Variants in PDLIM5 observed in about 807,000 individuals in gnomAD.
The protein encoded by PDLIM5 is PDZ and LIM domain protein 5.
PDLIM5 carries 34 observed loss-of-function variants against 64.2 expected under a neutral mutation model. That is an observed-to-expected ratio of 0.53 (90% CI 0.40 to 0.71). The LOEUF is 0.71. PDLIM5 is among the 30% of genes least tolerant of loss of function. PDLIM5 has a pLI of 0.00. For synonymous variants in PDLIM5, 253 were observed against 269.1 expected, an observed-to-expected ratio of 0.94 and a Z score of 0.59; for missense variants, 683 against 733.6, an observed-to-expected ratio of 0.93 and a Z score of 0.80.
At chr4:94,536,786 C>T (rs956612092) in intron 3 of PDLIM5, among the ~76,000 whole-genome samples, 1 of 152,138 alleles carries the variant, frequency 6.6e-6, no homozygotes, top group African/African-American at 2.4e-5. Context: ...TTGTCCATAG[C>T]TCAAGGAATT....
At chr4:94,565,624 C>T (rs1420338576) in intron 3 of PDLIM5, among the ~76,000 whole-genome samples, 2 of 152,134 alleles carry the variant, frequency 1.3e-5, no homozygotes, top group African/African-American at 4.8e-5. Context: ...ATAGAACACC[C>T]AATTTAGCAC....
intron 7 of PDLIM5, chr4:94,611,090 T>C (rs991716145): frequency 2.0e-5 from 31 of 1,534,724 alleles, no homozygotes; most frequent in Admixed American, 5.9e-5. Flanking sequence ...CTGAAAGATA[T>C]CACTCACTCC....
chr4:94,565,309 G>A (rs1734222019), intron 3 of PDLIM5, among the ~76,000 whole-genome samples: 1 of 152,184 alleles, frequency 6.6e-6, no homozygotes, highest in Admixed American at 6.5e-5. Flanking sequence ...GATAAAAAAT[G>A]TATTATTCAG....
intron 2 of PDLIM5, among the ~76,000 whole-genome samples, chr4:94,501,091 T>C (rs1486629761): frequency 8.6e-5 from 13 of 151,226 alleles, no homozygotes; most frequent in Non-Finnish European, 5.9e-5. Context: ...CTTTTTTTTT[T>C]TTTTTCTCAG....
chr4:94,515,147 A>T (rs534429356), intron 2 of PDLIM5, among the ~76,000 whole-genome samples: 2 of 152,276 alleles, frequency 1.3e-5, no homozygotes, highest in African/African-American at 4.8e-5. Context: ...TAGAAATATA[A>T]GATACAGTTA....
At chr4:94,586,966 T>G (rs753416777) in intron 7 of PDLIM5, 1 of 1,515,664 alleles carries the variant, frequency 6.6e-7, no homozygotes, top group South Asian at 1.3e-5. Context: ...TCTTTTTTTT[T>G]TTTTTTTTTT....
chr4:94,600,856 A>G (rs1211643897), intron 7 of PDLIM5, among the ~76,000 whole-genome samples: 1 of 152,240 alleles, frequency 6.6e-6, no homozygotes, highest in Non-Finnish European at 1.5e-5. Context: ...AAAAATGCTC[A>G]TTCTTTACCT....
intron 5 of PDLIM5, among the ~76,000 whole-genome samples, chr4:94,580,054 T>G (rs4699300): frequency 5.9e-5 from 9 of 152,244 alleles, no homozygotes; most frequent in Admixed American, 3.3e-4. Flanking sequence ...CTTTGAAATT[T>G]GTTAAGAGAG....
At chr4:94,490,925 A>G (rs1296044777) in intron 2 of PDLIM5, among the ~76,000 whole-genome samples, 1 of 152,128 alleles carries the variant, frequency 6.6e-6, no homozygotes, top group Non-Finnish European at 1.5e-5. Context: ...TGCTATGTGA[A>G]TGTGAATTTT....
rs182770493 is a variant in PDLIM5, at chr4:94,644,700, C to G, written c.1283+4250C>G. 1.3e-3 allele frequency among the ~76,000 whole-genome samples: 198 copies of G among 152,080 alleles called. 1 individual carries two copies. Among genetic ancestry groups the G allele is most frequent in the Admixed American group, 8.9e-3 (136 of 15,274 alleles). ...AGGACTACAGGCACCTGCCACCACG[C>G]CCAGCTAATTTTTTGTATTTTTAGT... On this transcript the variant is annotated intron_variant, in intron 9 of 12. Transcript: ENST00000317968.
chr4:94,630,690 T>C (rs928237920), intron 8 of PDLIM5, among the ~76,000 whole-genome samples: 7 of 152,108 alleles, frequency 4.6e-5, no homozygotes, highest in Non-Finnish European at 1.0e-4. Context: ...TCCATTGATA[T>C]TTTCAATATC....
intron 2 of PDLIM5, among the ~76,000 whole-genome samples, chr4:94,495,510 GA>G (rs796436284): frequency 4.4e-4 from 64 of 144,038 alleles, no homozygotes; most frequent in Admixed American, 9.7e-4. Context: ...GAGCTTAGTT[GA>G]AAAAAAAAAA....
chr4:94,611,812 A>G (rs1454636810), intron 7 of PDLIM5, among the ~76,000 whole-genome samples: 2 of 152,248 alleles, frequency 1.3e-5, no homozygotes, highest in Non-Finnish European at 2.9e-5. Flanking sequence ...ACAGAACGTA[A>G]AATCAGTGGC....
chr4:94,630,750 T>C (rs953630798), intron 8 of PDLIM5, among the ~76,000 whole-genome samples: 3 of 152,182 alleles, frequency 2.0e-5, no homozygotes, highest in African/African-American at 4.8e-5. Flanking sequence ...ATTTTTAAAA[T>C]AAGGAATCAA....
chr4:94,661,912 C>T (rs1742753084), intron 11 of PDLIM5, among the ~76,000 whole-genome samples: 2 of 152,012 alleles, frequency 1.3e-5, no homozygotes. Flanking sequence ...CCTCCACCTC[C>T]CAGGTTCAAG....
At chr4:94,509,763 T>C (rs1234879248) in intron 2 of PDLIM5, among the ~76,000 whole-genome samples, 3 of 152,190 alleles carry the variant, frequency 2.0e-5, no homozygotes, top group African/African-American at 7.2e-5. Context: ...GAGAAAGATG[T>C]AGGCTGGGAG....
At chr4:94,641,678 T>C (rs1741013921) in intron 9 of PDLIM5, among the ~76,000 whole-genome samples, 1 of 152,246 alleles carries the variant, frequency 6.6e-6, no homozygotes, top group Admixed American at 6.5e-5. Context: ...AATGGAATCC[T>C]AATACAGTAT....
intron 6 of PDLIM5, among the ~76,000 whole-genome samples, chr4:94,586,034 G>T (rs570622147): frequency 1.1e-4 from 16 of 152,198 alleles, no homozygotes; most frequent in Non-Finnish European, 2.9e-5. Flanking sequence ...TCTGGGCATC[G>T]TGGAAGCCAC....
chr4:94,457,810 C>T (rs1367951277), intron 2 of PDLIM5, among the ~76,000 whole-genome samples: 3 of 152,200 alleles, frequency 2.0e-5, no homozygotes, highest in Admixed American at 6.5e-5. Flanking sequence ...GAAATGCTTT[C>T]CTTGTGTAGA....
Sources: gnomAD v4.1 joint callset for allele counts (sites outside exome capture counted in the v4.1 genomes callset) on GRCh38, gnomAD v4.1.1 for gene constraint, MANE v1.5 for transcripts, NCBI Gene and HGNC (gene_info 2026-07-23, HGNC 2026-07-21) for gene names.